HAUS1: variants seen among roughly 807,000 people sequenced by gnomAD.
HAUS1 encodes the protein HAUS augmin-like complex subunit 1.
HAUS1 carries 25 observed loss-of-function variants against 38.6 expected under a neutral mutation model. The observed-to-expected ratio is 0.65, with a 90% CI of 0.47 to 0.91. The LOEUF (loss-of-function observed/expected upper bound fraction) is 0.91, where lower values mean the gene tolerates loss of function less well. Among genes scored for constraint, HAUS1 ranks in the 40% least tolerant of loss-of-function variants. The pLI is 0.00. For missense variants in HAUS1, 325 were observed against 328.4 expected, an observed-to-expected ratio of 0.99 and a Z score of 0.08; for synonymous variants, 109 against 112.9, an observed-to-expected ratio of 0.97 and a Z score of 0.22.
At chr18:46,105,546 ATGTATGTGTGTGTGTG>A (rs1453073443) in intron 2 of HAUS1, 178 bp downstream of exon 2, 12 of 479,318 alleles carry the variant, frequency 2.5e-5, no homozygotes, top group African/African-American at 2.0e-4. Flanking sequence ...ATATATGTAT[ATGTATGTGTGTGTGTG>A]TGTGTGTGTG....
intron 2 of HAUS1, among the ~76,000 whole-genome samples, chr18:46,116,899 G>A (rs1911811237): frequency 6.6e-6 from 1 of 152,124 alleles, no homozygotes; most frequent in South Asian, 2.1e-4. Flanking sequence ...GTACCTGTGA[G>A]GCCAAGGTGG....
intron 7 of HAUS1, among the ~76,000 whole-genome samples, chr18:46,125,217 G>A (rs1456808901): frequency 6.6e-6 from 1 of 151,646 alleles, no homozygotes; most frequent in Admixed American, 6.6e-5. Flanking sequence ...CTAAGATCGT[G>A]CCACCACACT....
Position 46,122,471 on chromosome 18 carries a change from G to A in HAUS1, c.481G>A (p.Val161Ile). The change falls in exon 5 of 9, where the codon GTC (valine) becomes ATC (isoleucine). Residue 161 changes from valine (V) to isoleucine (I), a missense_variant. Physicochemically the swap from Val to Ile is conservative, Grantham distance 29 (BLOSUM62 3). Coordinates refer to ENST00000282058, the MANE Select transcript of HAUS1 (RefSeq NM_138443.4). ...LVLEKCLQED[V>I]KKAELHLSTE... is the part of the protein sequence containing the mutation. ...TTTTAATTTTGCTTTTTAAAGGGAT[G>A]TCAAGAAAGCAGAGTTGCATCTGTC... 1 of 1,613,290 alleles carries A rather than the reference G, an allele frequency of 6.2e-7. No individual in the cohort carries two copies. Among genetic ancestry groups the A allele is most frequent in the Non-Finnish European group, 8.5e-7 (1 of 1,179,758 alleles).
intron 2 of HAUS1, chr18:46,115,276 T>C (rs1196933250): frequency 6.6e-6 from 1 of 152,066 alleles, no homozygotes. Flanking sequence ...CTTTGCCAAA[T>C]GGCGAAACCC....
intron 7 of HAUS1, 67 bp from the exon 8 acceptor site, chr18:46,125,677 C>A: frequency 9.4e-7 from 1 of 1,063,898 alleles, no homozygotes; most frequent in Non-Finnish European, 1.4e-6. Flanking sequence ...AGGATTATGG[C>A]ATTATTTTTC....
intron 8 of HAUS1, 57 bp downstream of exon 8, chr18:46,125,848 T>G: frequency 9.2e-7 from 1 of 1,081,106 alleles, no homozygotes; most frequent in Non-Finnish European, 1.4e-6. Flanking sequence ...AATGCTAATA[T>G]AGCTAAAGTC....
chr18:46,119,808 G>A, intron 3 of HAUS1, 118 bp from the exon 4 acceptor site: 3 of 853,122 alleles, frequency 3.5e-6, no homozygotes, highest in Non-Finnish European at 5.2e-6. Context: ...AAGGCATAAA[G>A]GTATGAACAG....
intron 7 of HAUS1, 56 bp downstream of exon 7, chr18:46,124,949 A>G (rs2144266090): frequency 1.0e-6 from 1 of 969,352 alleles, no homozygotes; most frequent in Non-Finnish European, 1.6e-6. Context: ...CCCTGAGGGT[A>G]CTATATGACC....
At chr18:46,127,266 C>A (rs879654971) in intron 8 of HAUS1, among the ~76,000 whole-genome samples, 25 of 152,144 alleles carry the variant, frequency 1.6e-4, no homozygotes, top group Middle Eastern at 3.4e-3. Flanking sequence ...GCCACCGTGC[C>A]TGGCCAAAGC....
intron 4 of HAUS1, 71 bp from the exon 5 acceptor site, chr18:46,122,396 A>G: frequency 6.7e-7 from 1 of 1,485,002 alleles, no homozygotes; most frequent in South Asian, 1.1e-5. Context: ...CAAAAGTAGT[A>G]GAGTTTCTAT....
At chr18:46,105,450 A>C in intron 2 of HAUS1, 82 bp downstream of exon 2, 2 of 1,126,686 alleles carry the variant, frequency 1.8e-6, no homozygotes, top group Non-Finnish European at 2.5e-6. Flanking sequence ...GGATTAATTT[A>C]CTGTAGACTA....
intron 5 of HAUS1, 31 bp downstream of exon 5, chr18:46,122,621 C>T: frequency 6.2e-7 from 1 of 1,611,186 alleles, no homozygotes; most frequent in Non-Finnish European, 8.5e-7. Flanking sequence ...ATAGTTAGCT[C>T]TCTTCGGCCT....
chr18:46,124,850 T>C lies in HAUS1; in HGVS notation c.695T>C (p.Ile232Thr), dbSNP rs1419590250. ...CTGGCAAGATTAAAGCAACAGACTA[T>C]ACCTTTGAAGAAAAAATTGGAGTCC... ...EKLARLKQQT[I>T]PLKKKLESYL... is the part of the protein sequence containing the mutation. The change falls in exon 7 of 9, where the codon ATA (isoleucine) becomes ACA (threonine). Residue 232 changes from isoleucine (I) to threonine (T), a missense_variant. Coordinates refer to ENST00000282058, the MANE Select transcript of HAUS1 (RefSeq NM_138443.4). 3 of 1,606,962 alleles carry C rather than the reference T, an allele frequency of 1.9e-6. No individual in the cohort carries two copies. Among genetic ancestry groups the C allele is most frequent in the Non-Finnish European group, 2.6e-6 (3 of 1,174,448 alleles).
chr18:46,124,899 A>C lies in HAUS1; in HGVS notation c.738+6A>C, dbSNP rs770910159. ...CCTATTTAGACTTAATGCCGGTAAT[A>C]ATTTTCGCGAATTAAAAAACAATTA... On this transcript the variant is annotated splice_donor_region_variant and intron_variant, in intron 7 of 8. Coordinates refer to ENST00000282058, the MANE Select transcript of HAUS1 (RefSeq NM_138443.4). The C allele has an allele frequency of 1.7e-5, 25 of 1,479,048 alleles. No individual in the cohort carries two copies. In the Admixed American group the frequency reaches 4.3e-4, roughly 25 times the overall value. 91.6% of individuals were successfully genotyped at this position (1,479,048 alleles called of 1,614,324 possible).
intron 7 of HAUS1, among the ~76,000 whole-genome samples, chr18:46,125,444 G>T (rs1432815603): frequency 3.3e-5 from 5 of 151,654 alleles, no homozygotes; most frequent in Non-Finnish European, 7.4e-5. Context: ...AGCTACTCAG[G>T]AGACAGGCAG....
chr18:46,122,194 C>T (rs1020230102), intron 4 of HAUS1, among the ~76,000 whole-genome samples: 2 of 151,818 alleles, frequency 1.3e-5, no homozygotes, highest in Non-Finnish European at 2.9e-5. Flanking sequence ...GTCTGTAGCC[C>T]TGGCTATTTG....
intron 6 of HAUS1, among the ~76,000 whole-genome samples, chr18:46,123,763 C>A (rs1375452765): frequency 6.6e-6 from 1 of 151,984 alleles, no homozygotes; most frequent in Admixed American, 6.6e-5. Context: ...AAAGGTTTTA[C>A]CTGTTTTGGT....
intron 4 of HAUS1, among the ~76,000 whole-genome samples, chr18:46,121,986 C>T (rs952410188): frequency 6.6e-6 from 1 of 152,134 alleles, no homozygotes; most frequent in South Asian, 2.1e-4. Flanking sequence ...GGATTATGGG[C>T]GCATGCCACC....
intron 5 of HAUS1, 74 bp downstream of exon 5, chr18:46,122,664 T>C: frequency 1.3e-6 from 2 of 1,531,412 alleles, no homozygotes; most frequent in South Asian, 1.1e-5. Flanking sequence ...AGCTAGGCAT[T>C]ATTATTCCCT....
Sources: gnomAD v4.1 joint callset for allele counts (sites outside exome capture counted in the v4.1 genomes callset) on GRCh38, gnomAD v4.1.1 for gene constraint, MANE v1.5 for transcripts, NCBI Gene and HGNC (gene_info 2026-07-23, HGNC 2026-07-21) for gene names.